Variants in SGCZ observed in about 807,000 individuals in gnomAD.
SGCZ encodes sarcoglycan zeta.
A neutral mutation model predicts 41.3 loss-of-function variants in SGCZ; 40 were observed. The observed-to-expected ratio is 0.97, with a 90% CI of 0.75 to 1.26. SGCZ has a LOEUF of 1.26. Among genes scored for constraint, SGCZ ranks in the 50% most tolerant of loss-of-function variants. The pLI is 0.00. For synonymous variants in SGCZ, 206 were observed against 137.5 expected (o/e 1.50, Z -3.49); for missense variants, 552 against 369.8 (o/e 1.49, Z -4.04).
chr8:15,028,306 C>A (rs1007555790), intron 1 of SGCZ, among the ~76,000 whole-genome samples: 3 of 152,082 alleles, frequency 2.0e-5, no homozygotes, highest in Non-Finnish European at 2.9e-5. Flanking sequence ...TTGTTTTCTT[C>A]TGACGTCTTT....
chr8:15,164,768 T>C (rs748257506), intron 1 of SGCZ, among the ~76,000 whole-genome samples: 15 of 152,040 alleles, frequency 9.9e-5, no homozygotes, highest in Non-Finnish European at 1.9e-4. Context: ...GCCAATCTGG[T>C]GTGCTTTGCA....
At chr8:15,139,413 C>G (rs1462595799) in intron 1 of SGCZ, among the ~76,000 whole-genome samples, 1 of 152,126 alleles carries the variant, frequency 6.6e-6, no homozygotes, top group Non-Finnish European at 1.5e-5. Flanking sequence ...GTAAAGTGTC[C>G]TAAAGATGTT....
chr8:15,068,347 C>T (rs973729409), intron 1 of SGCZ, among the ~76,000 whole-genome samples: 11 of 152,206 alleles, frequency 7.2e-5, no homozygotes, highest in Non-Finnish European at 1.5e-4. Context: ...GAGGCCCACA[C>T]TGTAACCCAC....
At chr8:14,905,544 A>C (rs1006603892) in intron 1 of SGCZ, among the ~76,000 whole-genome samples, 9 of 152,054 alleles carry the variant, frequency 5.9e-5, no homozygotes, top group African/African-American at 1.9e-4. Context: ...GTACATGTGC[A>C]AATTAGCACT....
chr8:14,543,155 G>A (rs2410193), intron 2 of SGCZ, among the ~76,000 whole-genome samples: 44,327 of 151,576 alleles, frequency 0.29, 6,592 homozygotes, highest in Middle Eastern at 0.45. Flanking sequence ...TTTCACAATT[G>A]TTCTAAGTAT....
At chr8:14,635,797 T>C (rs975847203) in intron 1 of SGCZ, among the ~76,000 whole-genome samples, 14 of 151,904 alleles carry the variant, frequency 9.2e-5, no homozygotes, top group Admixed American at 4.6e-4. Flanking sequence ...GGATGTTAAG[T>C]GCAGACTGCT....
intron 1 of SGCZ, among the ~76,000 whole-genome samples, chr8:14,915,928 T>C (rs994057832): frequency 2.6e-5 from 4 of 152,196 alleles, no homozygotes; most frequent in African/African-American, 4.8e-5. Context: ...GCCGTTTCAA[T>C]ATTTTTTGTA....
intron 1 of SGCZ, among the ~76,000 whole-genome samples, chr8:14,869,583 G>C (rs1034101144): frequency 2.6e-5 from 4 of 152,178 alleles, no homozygotes; most frequent in Admixed American, 1.3e-4. Flanking sequence ...TGGAAATTCT[G>C]TCCAGGGCAA....
chr8:15,005,542 G>T (rs536653343), intron 1 of SGCZ, among the ~76,000 whole-genome samples: 9 of 144,252 alleles, frequency 6.2e-5, no homozygotes, highest in Non-Finnish European at 1.1e-4. Flanking sequence ...TGTTCGTTAG[G>T]CTGGTCTCGA....
chr8:15,044,793 T>A (rs1804242374), intron 1 of SGCZ, among the ~76,000 whole-genome samples: 1 of 152,094 alleles, frequency 6.6e-6, no homozygotes, highest in Non-Finnish European at 1.5e-5. Flanking sequence ...AAGACCTACC[T>A]CCTACCAAGA....
chr8:14,579,458 A>G (rs1224652329), intron 1 of SGCZ, among the ~76,000 whole-genome samples: 2 of 152,174 alleles, frequency 1.3e-5, no homozygotes, highest in African/African-American at 2.4e-5. Context: ...TTTCTGAATC[A>G]AGTGAAGCAG....
At chr8:15,190,137 T>C (rs1800484943) in intron 1 of SGCZ, among the ~76,000 whole-genome samples, 1 of 152,152 alleles carries the variant, frequency 6.6e-6, no homozygotes, top group Admixed American at 6.5e-5. Flanking sequence ...GAAATTCTCC[T>C]CTGTACACTC....
chr8:14,129,585 A>C (rs1376736583), intron 5 of SGCZ, among the ~76,000 whole-genome samples: 1 of 151,988 alleles, frequency 6.6e-6, no homozygotes, highest in Middle Eastern at 3.2e-3. Flanking sequence ...AAATTTAAAA[A>C]GATAAGAACA....
intron 2 of SGCZ, among the ~76,000 whole-genome samples, chr8:14,491,753 T>C (rs1801848526): frequency 6.6e-6 from 1 of 152,208 alleles, no homozygotes; most frequent in African/African-American, 2.4e-5. Context: ...AGGCTATAAA[T>C]TGATGTCTTG....
intron 6 of SGCZ, among the ~76,000 whole-genome samples, chr8:14,106,246 G>A (rs1175523763): frequency 6.6e-6 from 1 of 152,164 alleles, no homozygotes; most frequent in African/African-American, 2.4e-5. Flanking sequence ...GGAATTTACA[G>A]TTTGTTAGGA....
At chr8:14,824,343 G>C (rs1016239894) in intron 1 of SGCZ, among the ~76,000 whole-genome samples, 2 of 151,960 alleles carry the variant, frequency 1.3e-5, no homozygotes, top group African/African-American at 4.8e-5. Flanking sequence ...TTGTATCAAA[G>C]AATCAAATTA....
intron 1 of SGCZ, among the ~76,000 whole-genome samples, chr8:15,043,893 A>G (rs1804204482): frequency 6.6e-6 from 1 of 152,056 alleles, no homozygotes; most frequent in African/African-American, 2.4e-5. Context: ...CAAACATACT[A>G]TTATATAGGA....
intron 1 of SGCZ, among the ~76,000 whole-genome samples, chr8:14,622,315 A>C (rs1806312696): frequency 6.6e-6 from 1 of 152,166 alleles, no homozygotes; most frequent in South Asian, 2.1e-4. Context: ...TAGATGCCAC[A>C]ACATGGGAGC....
chr8:15,090,446 G>A (rs1272572366), intron 1 of SGCZ, among the ~76,000 whole-genome samples: 1 of 152,176 alleles, frequency 6.6e-6, no homozygotes, highest in Non-Finnish European at 1.5e-5. Flanking sequence ...GAGAATGCTA[G>A]AGAACAAAGA....
Sources: allele counts gnomAD v4.1 joint callset (sites outside exome capture counted in the v4.1 genomes callset), GRCh38; gene constraint gnomAD v4.1.1; transcripts MANE v1.5; gene names NCBI Gene and HGNC (gene_info 2026-07-23, HGNC 2026-07-21).